Variants in CUL1 observed in about 807,000 individuals in gnomAD.
CUL1 encodes the protein cullin-1.
In CUL1, 24 loss-of-function variants were observed where a neutral mutation model predicts 118.0. The ratio of observed to expected loss-of-function variants is 0.20; its 90% CI spans 0.15 to 0.29. The LOEUF (loss-of-function observed/expected upper bound fraction) is 0.29, where lower values mean the gene tolerates loss of function less well. Among genes scored for constraint, CUL1 ranks in the 10% least tolerant of loss-of-function variants. The pLI is 1.00. For synonymous variants in CUL1, 332 were observed against 340.4 expected (o/e 0.98, Z 0.27); for missense variants, 361 against 933.8 (o/e 0.39, Z 7.99).
intron 2 of CUL1, among the ~76,000 whole-genome samples, chr7:148,742,716 C>T (rs1033259572): frequency 2.0e-5 from 3 of 149,722 alleles, no homozygotes; most frequent in African/African-American, 7.3e-5. Flanking sequence ...ATTCTCCTGC[C>T]TCAGCCTCCT....
Position 148,788,608 on chromosome 7 carries a change from A to G in CUL1, c.1531A>G (p.Ile511Val). The part of the protein sequence containing the change: ...TSKLQRMFQD[I>V]GVSKDLNEQF... The stretch of plus-strand genomic sequence containing the variant: ...TAAACTTCAGCGCATGTTTCAAGAC[A>G]TTGGCGTGAGCAAAGATCTGAACGA... The change falls in exon 14 of 22, where the codon ATT (isoleucine) becomes GTT (valine). Residue 511 changes from isoleucine (I) to valine (V), a missense_variant. Coordinates refer to ENST00000325222, the MANE Select transcript of CUL1 (RefSeq NM_003592.3). 6.2e-7 allele frequency: 1 copy of G among 1,614,244 alleles called. No individual in the cohort carries two copies. Among genetic ancestry groups the G allele is most frequent in the Non-Finnish European group, 8.5e-7 (1 of 1,180,050 alleles).
At chr7:148,797,117 T>C (rs1801227158) in intron 17 of CUL1, among the ~76,000 whole-genome samples, 1 of 152,126 alleles carries the variant, frequency 6.6e-6, no homozygotes, top group Non-Finnish European at 1.5e-5. Flanking sequence ...CCACACAACG[T>C]GCTTGAGTGC....
At chr7:148,773,591 T>C (rs1430523084) in intron 9 of CUL1, among the ~76,000 whole-genome samples, 1 of 152,152 alleles carries the variant, frequency 6.6e-6, no homozygotes, top group Non-Finnish European at 1.5e-5. Flanking sequence ...GATCTGTGGA[T>C]GATAATGGTG....
rs191244556 is a variant in CUL1 at position 148,713,772 on chromosome 7, A to G, written c.-162+14743A>G. On this transcript the variant is annotated intron_variant, in intron 1 of 21. Transcript: ENST00000325222. ...GGAGTCTCATTCTGTCGCCTAGGCT[A>G]GAGTGCAGTGGTGCAATCTCGGCTC... is the stretch of plus-strand genomic sequence containing the variant. 3.7e-3 allele frequency among the ~76,000 whole-genome samples: 568 copies of G among 152,240 alleles called. 4 individuals carry two copies. Among genetic ancestry groups the G allele is most frequent in the Middle Eastern group, 0.01 (3 of 294 alleles).
chr7:148,741,164 G>A (rs1799126935), intron 2 of CUL1, among the ~76,000 whole-genome samples: 1 of 132,176 alleles, frequency 7.6e-6, no homozygotes, highest in African/African-American at 3.2e-5. Context: ...GTGATGGACA[G>A]TTGGGTTATT....
intron 9 of CUL1, among the ~76,000 whole-genome samples, chr7:148,782,853 C>T (rs903781212): frequency 1.1e-4 from 17 of 152,116 alleles, no homozygotes; most frequent in African/African-American, 3.9e-4. Context: ...GCCGCGGCGC[C>T]TGGATCTGTG....
intron 9 of CUL1, chr7:148,783,445 A>G: frequency 2.0e-6 from 2 of 985,424 alleles, no homozygotes; most frequent in Non-Finnish European, 2.4e-6. Flanking sequence ...CCAGAGTTCC[A>G]CTGTTTAACA....
chr7:148,759,591 G>A lies in CUL1; in HGVS notation c.578G>A (p.Gly193Asp). The A allele has an allele frequency of 6.2e-7, 1 of 1,611,850 alleles. No individual in the cohort carries two copies. ...AAGCTGATTGAAAAGGAAAGGAATG[G>A]TGAAACCATCAATACAAGATTGATT... is the stretch of plus-strand genomic sequence containing the variant. ...VLKLIEKERN[G>D]ETINTRLISG... The change falls in exon 6 of 22, where the codon GGT (glycine) becomes GAT (aspartate). Residue 193 changes from glycine to aspartate, a missense_variant. Physicochemically the swap from Gly to Asp is moderately conservative, Grantham distance 94. Coordinates refer to ENST00000325222, the MANE Select transcript of CUL1 (RefSeq NM_003592.3).
At chr7:148,738,815 TC>T (rs1799045594) in intron 2 of CUL1, among the ~76,000 whole-genome samples, 2 of 152,232 alleles carry the variant, frequency 1.3e-5, no homozygotes, top group Admixed American at 6.5e-5. Context: ...TAATTTTTTT[TC>T]CCTTTAAGAA....
At chr7:148,700,365 T>G (rs1797685165) in intron 1 of CUL1, among the ~76,000 whole-genome samples, 1 of 152,208 alleles carries the variant, frequency 6.6e-6, no homozygotes, top group Non-Finnish European at 1.5e-5. Flanking sequence ...GTGTGCAGTT[T>G]TAAGTTTAAC....
chr7:148,776,923 A>T (rs925486703), intron 9 of CUL1, among the ~76,000 whole-genome samples: 4 of 152,224 alleles, frequency 2.6e-5, no homozygotes, highest in African/African-American at 9.6e-5. Context: ...TTTCTGAAAC[A>T]TTCTACCTGG....
intron 5 of CUL1, 83 bp from the exon 6 acceptor site, chr7:148,759,465 T>C (rs1799770092): frequency 1.4e-6 from 2 of 1,380,200 alleles, no homozygotes; most frequent in African/African-American, 1.4e-5. Flanking sequence ...CATTGTTTAG[T>C]GGCTGTGAAT....
intron 2 of CUL1, among the ~76,000 whole-genome samples, chr7:148,743,422 T>C (rs1416690789): frequency 6.6e-6 from 1 of 152,342 alleles, no homozygotes; most frequent in East Asian, 1.9e-4. Context: ...CTTTTCTTTT[T>C]TTCTTTTCTC....
chr7:148,793,998 A>T (rs1453131618), intron 17 of CUL1, among the ~76,000 whole-genome samples: 1 of 152,158 alleles, frequency 6.6e-6, no homozygotes, highest in Non-Finnish European at 1.5e-5. Flanking sequence ...CTAACAACTA[A>T]TGATGTGTAG....
chr7:148,769,199 G>A (rs4726992), intron 9 of CUL1, among the ~76,000 whole-genome samples: 11,377 of 152,052 alleles, frequency 0.075, 495 homozygotes, highest in African/African-American at 0.1. Context: ...GAATGATAAT[G>A]CCTATCCCAT....
At chr7:148,749,380 C>A (rs1799409017) in intron 2 of CUL1, among the ~76,000 whole-genome samples, 1 of 139,020 alleles carries the variant, frequency 7.2e-6, no homozygotes, top group African/African-American at 2.8e-5. Context: ...TGTGCCACAG[C>A]TCTCCAGCCT....
intron 9 of CUL1, among the ~76,000 whole-genome samples, chr7:148,777,721 G>A (rs1800451170): frequency 6.6e-6 from 1 of 152,030 alleles, no homozygotes; most frequent in Non-Finnish European, 1.5e-5. Flanking sequence ...AGGCTTTGGG[G>A]GAGGAGCATT....
intron 1 of CUL1, among the ~76,000 whole-genome samples, chr7:148,708,938 TTAAA>T (rs1374051481): frequency 1.3e-5 from 2 of 152,372 alleles, no homozygotes; most frequent in East Asian, 3.8e-4. Flanking sequence ...GGAAAACTGA[TTAAA>T]TAATTCACTG....
intron 11 of CUL1, among the ~76,000 whole-genome samples, chr7:148,785,722 C>A (rs914230692): frequency 6.6e-6 from 1 of 152,014 alleles, no homozygotes; most frequent in Admixed American, 6.6e-5. Context: ...TCTACTGATA[C>A]TAGTTAAGGC....
Sources: allele counts gnomAD v4.1 joint callset (sites outside exome capture counted in the v4.1 genomes callset), GRCh38; gene constraint gnomAD v4.1.1; transcripts MANE v1.5; gene names NCBI Gene and HGNC (gene_info 2026-07-23, HGNC 2026-07-21).